The following MALT1 variants were observed in gnomAD, a reference collection of about 807,000 sequenced individuals.
MALT1 encodes the protein MALT1 paracaspase.
Under a neutral mutation model 85.5 loss-of-function variants are expected in MALT1, and 36 were observed. The ratio of observed to expected loss-of-function variants is 0.42; its 90% CI spans 0.32 to 0.56. The LOEUF is 0.56. Among genes scored for constraint, MALT1 ranks in the 20% least tolerant of loss-of-function variants. The pLI is 0.10. For synonymous variants in MALT1, 359 were observed against 361.3 expected (o/e 0.99, Z 0.07); for missense variants, 716 against 981.6 (o/e 0.73, Z 3.62).
At chr18:58,722,904 C>G (rs897513685) in intron 9 of MALT1, 144 bp from the exon 10 acceptor site, 20 of 620,922 alleles carry the variant, frequency 3.2e-5, no homozygotes, top group Non-Finnish European at 2.5e-5. Context: ...ATAAATAGTT[C>G]TAAAATGAAA....
intron 2 of MALT1, among the ~76,000 whole-genome samples, chr18:58,695,955 A>G (rs1357812950): frequency 6.6e-6 from 1 of 152,232 alleles, no homozygotes; most frequent in African/African-American, 2.4e-5. Context: ...TGGCAGCCAT[A>G]TGAGCATTTA....
chr18:58,735,737 AG>A (rs1353938656), intron 13 of MALT1, among the ~76,000 whole-genome samples: 17 of 152,074 alleles, frequency 1.1e-4, no homozygotes, highest in African/African-American at 1.4e-4. Context: ...AGGATGGGAG[AG>A]AGAAAACTTT....
chr18:58,745,333 GGA>G (rs2055351413), intron 15 of MALT1, among the ~76,000 whole-genome samples: 1 of 152,202 alleles, frequency 6.6e-6, no homozygotes, highest in South Asian at 2.1e-4. Flanking sequence ...ATGATTAAGA[GGA>G]GAGAATCCAG....
At chr18:58,686,470 G>A (rs2054404993) in intron 2 of MALT1, among the ~76,000 whole-genome samples, 1 of 152,202 alleles carries the variant, frequency 6.6e-6, no homozygotes, top group South Asian at 2.1e-4. Flanking sequence ...CTGAACGATG[G>A]GAGCTGTTTA....
In MALT1 at chr18:58,700,526, A is replaced by G. The variant is rs373134122; in HGVS notation, c.584A>G (p.Asn195Ser). 17 of 1,613,344 alleles carry G rather than the reference A, an allele frequency of 1.1e-5. No individual in the cohort carries two copies. Among genetic ancestry groups the G allele is most frequent in the Middle Eastern group, 1.7e-4 (1 of 6,060 alleles). ...AGFYVCRVNN[N>S]FTFEFSQWSQ... ...TTTTATGTCTGTCGAGTTAATAACA[A>G]TTTCACCTTTGAATTCAGCCAGTGG... Residue 195 changes from asparagine to serine, a missense_variant, in exon 4 of 17, where the codon AAT becomes AGT. This residue lies in a region of MALT1 where 290 missense variants were observed against 380.5 expected (regional missense o/e 0.76). Coordinates refer to ENST00000649217, the MANE Select transcript of MALT1 (RefSeq NM_006785.4).
At chr18:58,685,433 CAT>C (rs78757748) in intron 2 of MALT1, among the ~76,000 whole-genome samples, 8,161 of 152,282 alleles carry the variant, frequency 0.054, 347 homozygotes, top group East Asian at 0.22. Context: ...CTGTAACTGT[CAT>C]GTGGAGTTTC....
At chr18:58,728,317 C>T (rs1309241752) in intron 10 of MALT1, among the ~76,000 whole-genome samples, 4 of 152,158 alleles carry the variant, frequency 2.6e-5, no homozygotes, top group South Asian at 2.1e-4. Flanking sequence ...ACAACAACAA[C>T]GATTTGGGCC....
At position 58,696,504 on chromosome 18, in the gene MALT1, A is replaced by G. The variant is rs2054591097; in HGVS notation, c.498+17A>G. On this transcript the variant is annotated intron_variant, in intron 3 of 16. Transcript: ENST00000649217. ...AATAAAGAGGTAATTTTTTAAATAT[A>G]TCTTTTAATTCTTCCAAGGAGAGAG... The G allele has an allele frequency of 3.3e-6, 5 of 1,528,050 alleles. No individual in the cohort carries two copies. Among genetic ancestry groups the G allele is most frequent in the East Asian group, 2.3e-5 (1 of 43,726 alleles). 94.7% of individuals were successfully genotyped at this position (1,528,050 alleles called of 1,614,324 possible).
chr18:58,684,580 G>A lies in MALT1; in HGVS notation c.376+3244G>A, dbSNP rs1263057581. 3.3e-5 allele frequency among the ~76,000 whole-genome samples: 5 copies of A among 151,360 alleles called. 1 individual carries two copies. In the Admixed American group the frequency reaches 3.3e-4, roughly 10 times the overall value. ...TCCTGCCTCAGCCTCCCGAGTATCT[G>A]GGATTACAGGCATGTGCCACCACGC... On this transcript the variant is annotated intron_variant, in intron 2 of 16. Transcript: ENST00000649217.
chr18:58,701,666 C>T (rs1281191166), intron 4 of MALT1, among the ~76,000 whole-genome samples: 1 of 152,194 alleles, frequency 6.6e-6, no homozygotes. Flanking sequence ...GAGAGAGCCC[C>T]TGACCCCAAA....
At chr18:58,738,317 AC>A (rs1259867746) in intron 13 of MALT1, among the ~76,000 whole-genome samples, 2 of 152,128 alleles carry the variant, frequency 1.3e-5, no homozygotes, top group Non-Finnish European at 2.9e-5. Context: ...TTGTTGCATG[AC>A]TGTAGTTTTT....
At chr18:58,696,539 G>T (rs2054591986) in intron 3 of MALT1, 52 bp downstream of exon 3, 1 of 1,388,352 alleles carries the variant, frequency 7.2e-7, no homozygotes, top group Non-Finnish European at 9.8e-7. Context: ...GAATGATAGA[G>T]AATTAATTAA....
intron 8 of MALT1, 57 bp downstream of exon 8, chr18:58,714,166 A>G (rs1187074789): frequency 4.6e-6 from 4 of 867,026 alleles, no homozygotes; most frequent in South Asian, 1.5e-5. Flanking sequence ...TGAATGCAGC[A>G]AAGTTACCGT....
At position 58,684,879 on chromosome 18, in the gene MALT1, C is replaced by T. The variant is rs746079978; in HGVS notation, c.376+3543C>T. ...AGAAGATAAGCTCTGATAGAATCAA[C>T]TTAATTGGTGGTTTGCCTCGTGTAT... On this transcript the variant is annotated intron_variant, in intron 2 of 16. Transcript: ENST00000649217. Among the ~76,000 whole-genome samples, 20 of 152,228 alleles carry T rather than the reference C, an allele frequency of 1.3e-4. 1 individual carries two copies. The highest frequency in any genetic ancestry group is 2.5e-4 in the Non-Finnish European group (17 of 68,002).
intron 13 of MALT1, among the ~76,000 whole-genome samples, chr18:58,740,898 T>C (rs2055292330): frequency 6.6e-6 from 1 of 152,178 alleles, no homozygotes; most frequent in Non-Finnish European, 1.5e-5. Flanking sequence ...TAGCACTTTT[T>C]ACTTCATATA....
intron 1 of MALT1, among the ~76,000 whole-genome samples, chr18:58,680,496 G>A (rs2054304200): frequency 2.6e-5 from 4 of 151,866 alleles, no homozygotes; most frequent in Admixed American, 6.6e-5. Context: ...TGTTCTATCC[G>A]CTTCATTTGG....
intron 3 of MALT1, among the ~76,000 whole-genome samples, chr18:58,698,592 G>A (rs2054628163): frequency 6.6e-6 from 1 of 152,292 alleles, no homozygotes; most frequent in South Asian, 2.1e-4. Flanking sequence ...GACCCCTTAG[G>A]CTTTCCACCT....
Position 58,692,407 on chromosome 18 carries a change from C to CCTCTCTCGCTCTCTCTCT in MALT1, c.377-3952_377-3951insGCTCTCTCTCTCTCTCTC. On this transcript the variant is annotated intron_variant, in intron 2 of 16. Coordinates refer to ENST00000649217, the MANE Select transcript of MALT1 (RefSeq NM_006785.4). The stretch of plus-strand genomic sequence containing the variant: ...CCAACTGCTCCACCGACTGGCCATT[C>CCTCTCTCGCTCTCTCTCT]CTCTCTCTCTCTCTCTCTCTCTCTC... Among the ~76,000 whole-genome samples, 3 of 130,458 alleles carry CCTCTCTCGCTCTCTCTCT rather than the reference C, an allele frequency of 2.3e-5. No homozygotes were observed. In the East Asian group the frequency reaches 7.6e-4, roughly 33 times the overall value. 85.6% of individuals were successfully genotyped at this position (130,458 alleles called of 152,430 possible). A position where few individuals can be genotyped will look rare whatever the true frequency, so the allele number is the denominator to read the frequency against.
intron 14 of MALT1, among the ~76,000 whole-genome samples, chr18:58,743,084 T>G (rs139582313): frequency 1.8e-4 from 27 of 152,228 alleles, no homozygotes; most frequent in Non-Finnish European, 3.1e-4. Context: ...AATAATAATT[T>G]TTGTTCTTGG....
Sources: allele counts gnomAD v4.1 joint callset (sites outside exome capture counted in the v4.1 genomes callset), GRCh38; gene constraint gnomAD v4.1.1; regional missense constraint gnomAD v4.1.1; transcripts MANE v1.5; gene names NCBI Gene and HGNC (gene_info 2026-07-23, HGNC 2026-07-21).